The following DEPDC5 variants were observed in gnomAD, a reference collection of about 807,000 sequenced individuals.
The protein encoded by DEPDC5 is DEP domain containing 5, GATOR1 subcomplex subunit.
A neutral mutation model predicts 217.3 loss-of-function variants in DEPDC5; 73 were observed. The ratio of observed to expected loss-of-function variants is 0.34; its 90% CI spans 0.28 to 0.41. DEPDC5 has a LOEUF of 0.41. Ranked by LOEUF, DEPDC5 falls within the 10% of genes least tolerant of loss-of-function variation. The pLI is 1.00. For synonymous variants in DEPDC5, 733 were observed against 756.7 expected, an observed-to-expected ratio of 0.97 and a Z score of 0.51; for missense variants, 1,675 against 2,070.1, an observed-to-expected ratio of 0.81 and a Z score of 3.70.
chr22:31,820,300 CGG>C (rs1462529643), intron 22 of DEPDC5, among the ~76,000 whole-genome samples: 1 of 152,074 alleles, frequency 6.6e-6, no homozygotes, highest in African/African-American at 2.4e-5. Context: ...CTAGTAGAGA[CGG>C]GGTTTCACCA....
At chr22:31,848,857 A>G (rs540916952) in intron 31 of DEPDC5, among the ~76,000 whole-genome samples, 1 of 152,158 alleles carries the variant, frequency 6.6e-6, no homozygotes, top group African/African-American at 2.4e-5. Flanking sequence ...CCACTTAGAA[A>G]TTTCTTCCGC....
intron 29 of DEPDC5, 31 bp from the exon 30 acceptor site, chr22:31,844,987 C>T (rs746067133): frequency 1.2e-6 from 2 of 1,610,742 alleles, no homozygotes; most frequent in Non-Finnish European, 1.7e-6. Flanking sequence ...CTTTCTCTCA[C>T]CACCACCCTG....
At chr22:31,824,457 A>G (rs924046384) in intron 24 of DEPDC5, among the ~76,000 whole-genome samples, 2 of 152,130 alleles carry the variant, frequency 1.3e-5, no homozygotes, top group African/African-American at 4.8e-5. Flanking sequence ...CTAGAGGCCT[A>G]TGTCTAAGGC....
At chr22:31,810,813 T>C in intron 20 of DEPDC5, 172 bp downstream of exon 20, 1 of 1,081,138 alleles carries the variant, frequency 9.2e-7, no homozygotes, top group Admixed American at 2.7e-5. Context: ...TTCGCTCTTG[T>C]TGCCCAGGCT....
intron 9 of DEPDC5, 154 bp downstream of exon 9, chr22:31,784,139 T>G: frequency 1.6e-6 from 1 of 625,882 alleles, no homozygotes; most frequent in Non-Finnish European, 2.7e-6. Flanking sequence ...TAGAGTGTTT[T>G]CTCGTTCTAA....
intron 37 of DEPDC5, among the ~76,000 whole-genome samples, chr22:31,878,693 A>G (rs959776678): frequency 6.6e-6 from 1 of 152,060 alleles, no homozygotes; most frequent in Non-Finnish European, 1.5e-5. Context: ...AGACTTGGCA[A>G]AGCTGTGCAG....
chr22:31,793,069 AAAATAAATAAAT>A (rs376718942), intron 12 of DEPDC5, among the ~76,000 whole-genome samples: 1 of 150,918 alleles, frequency 6.6e-6, no homozygotes, highest in African/African-American at 2.5e-5. Context: ...CCCTGTCTCC[AAAATAAATAAAT>A]AAATAAATAA....
In DEPDC5 at chr22:31,824,475, C is replaced by T. The variant is rs192473919; in HGVS notation, c.2104+1685C>T. 3.0e-3 allele frequency among the ~76,000 whole-genome samples: 452 copies of T among 152,270 alleles called. 2 individuals are homozygous for T. The highest frequency in any genetic ancestry group is 9.4e-3 in the African/African-American group (391 of 41,554). ...GAGGCCTATGTCTAAGGCTAGGAATCTGGGTTGGCAGTAAGAGAATCCCTA... is the reference window on the plus strand; with the variant it reads ...GAGGCCTATGTCTAAGGCTAGGAATTTGGGTTGGCAGTAAGAGAATCCCTA... On this transcript the variant is annotated intron_variant, in intron 24 of 42. Coordinates refer to ENST00000651528, the MANE Select transcript of DEPDC5 (RefSeq NM_001242896.3).
chr22:31,834,959 G>A (rs2090888733), intron 25 of DEPDC5, among the ~76,000 whole-genome samples: 1 of 152,134 alleles, frequency 6.6e-6, no homozygotes, highest in Non-Finnish European at 1.5e-5. Flanking sequence ...CATTTGGATG[G>A]CTTTCTGCTT....
chr22:31,755,487 T>G (rs992619555), intron 2 of DEPDC5: 1 of 153,368 alleles, frequency 6.5e-6, no homozygotes, highest in East Asian at 1.9e-4. Flanking sequence ...CTGGTGACCT[T>G]GGGCAAGCTC....
At chr22:31,904,529 G>A (rs202182468) in intron 41 of DEPDC5, among the ~76,000 whole-genome samples, 1 of 152,298 alleles carries the variant, frequency 6.6e-6, no homozygotes, top group African/African-American at 2.4e-5. Flanking sequence ...GATCACCTGA[G>A]GTCAGCAGTT....
chr22:31,768,868 A>G lies in DEPDC5; in HGVS notation c.413+5A>G, dbSNP rs773427300. 3 of 1,613,778 alleles carry G rather than the reference A, an allele frequency of 1.9e-6. No homozygotes were observed. The African/African-American group carries it at 4.0e-5, about 22-fold the overall frequency. On this transcript the variant is annotated splice_donor_5th_base_variant and intron_variant, in intron 7 of 42. Coordinates refer to ENST00000651528, the MANE Select transcript of DEPDC5 (RefSeq NM_001242896.3). ...GGTGGAGTTTGCTGGCATCAGGTAG[A>G]TATTACATCACTCTTGCCTTATCTG...
intron 8 of DEPDC5, among the ~76,000 whole-genome samples, chr22:31,782,352 G>A (rs2084539323): frequency 6.6e-6 from 1 of 152,022 alleles, no homozygotes; most frequent in Non-Finnish European, 1.5e-5. Flanking sequence ...GGCCAGGCTG[G>A]TCTCCAGTTC....
chr22:31,807,913 G>A (rs2087748869), intron 18 of DEPDC5, among the ~76,000 whole-genome samples: 1 of 152,020 alleles, frequency 6.6e-6, no homozygotes, highest in South Asian at 2.1e-4. Context: ...TTTTAGGGGG[G>A]AGGGCTGTTA....
Position 31,778,129 on chromosome 22 carries a change from T to C in DEPDC5, c.444T>C (p.Asn148=). 1 of 1,613,994 alleles carries C rather than the reference T, an allele frequency of 6.2e-7. No individual in the cohort carries two copies. Among genetic ancestry groups the C allele is most frequent in the Non-Finnish European group, 8.5e-7 (1 of 1,179,848 alleles). The change falls in exon 8 of 43, where the codon AAT becomes AAC. Residue 148 remains asparagine (N), a synonymous_variant. Transcript: ENST00000651528. ...AGGCTGGTGAACTGTGGGTTAAGAA[T>C]GAGAAGGTCATGTGTGGCTACATCA... ...RAQAGELWVK[N]EKVMCGYISE...
rs1251914595 is a variant in DEPDC5 at position 31,792,735 on chromosome 22, T to C, written c.695-10T>C. On this transcript the variant is annotated splice_polypyrimidine_tract_variant and intron_variant, in intron 11 of 42. Coordinates refer to ENST00000651528, the MANE Select transcript of DEPDC5 (RefSeq NM_001242896.3). ...AGCCTGAACTACATACTCCGTTTTC[T>C]CTATTTCAGATGAATTTCCTGAAAT... is the stretch of plus-strand genomic sequence containing the variant. 9.7e-6 allele frequency: 15 copies of C among 1,542,056 alleles called. No homozygotes were observed. The highest frequency in any genetic ancestry group is 1.3e-5 in the Non-Finnish European group (15 of 1,154,464).
Position 31,843,670 on chromosome 22 carries a change from CACT to C in DEPDC5, c.2662_2664del (p.Tyr888del). 6.2e-7 allele frequency: 1 copy of C among 1,609,772 alleles called. No homozygotes were observed. The highest frequency in any genetic ancestry group is 8.5e-7 in the Non-Finnish European group (1 of 1,176,574). ...GTATCCTTATGAATCTGCCCAGATCCACTACACCTACAGCCTCTGTCCTTCCCA... is the reference window on the plus strand; with the variant it reads ...GTATCCTTATGAATCTGCCCAGATCCACACCTACAGCCTCTGTCCTTCCCA... On this transcript the variant is annotated inframe_deletion, in exon 29 of 43. Transcript: ENST00000651528.
intron 40 of DEPDC5, among the ~76,000 whole-genome samples, chr22:31,898,106 C>G (rs2093585718): frequency 6.6e-6 from 1 of 152,140 alleles, no homozygotes; most frequent in Non-Finnish European, 1.5e-5. Context: ...AAACAGCATC[C>G]TTTTGTGCAA....
At chr22:31,805,839 T>C (rs1602007095) in intron 17 of DEPDC5, among the ~76,000 whole-genome samples, 1 of 152,314 alleles carries the variant, frequency 6.6e-6, no homozygotes, top group African/African-American at 2.4e-5. Flanking sequence ...GGCTCATGCC[T>C]GTAATCCCAG....
Sources: allele counts gnomAD v4.1 joint callset (sites outside exome capture counted in the v4.1 genomes callset), GRCh38; gene constraint gnomAD v4.1.1; transcripts MANE v1.5; gene names NCBI Gene and HGNC (gene_info 2026-07-23, HGNC 2026-07-21).